The following UBE2E3 variants were observed in gnomAD, a reference collection of about 807,000 sequenced individuals.
UBE2E3 encodes the protein ubiquitin-conjugating enzyme E2 E3.
UBE2E3 carries 5 observed loss-of-function variants against 23.6 expected under a neutral mutation model. The ratio of observed to expected loss-of-function variants is 0.21; its 90% CI spans 0.11 to 0.44. UBE2E3 has a LOEUF of 0.44. Among genes scored for constraint, UBE2E3 ranks in the 20% least tolerant of loss-of-function variants. UBE2E3 has a pLI of 0.99. For missense variants in UBE2E3, 81 were observed against 249.8 expected (o/e 0.32, Z 4.55); for synonymous variants, 78 against 87.5 (o/e 0.89, Z 0.60).
At chr2:181,017,099 G>T (rs147152683) in intron 3 of UBE2E3, among the ~76,000 whole-genome samples, 20 of 152,334 alleles carry the variant, frequency 1.3e-4, no homozygotes, top group African/African-American at 4.3e-4. Flanking sequence ...ACAGAATTGG[G>T]CCAGGAATGC....
At chr2:181,062,723 G>T in intron 5 of UBE2E3, 68 bp from the exon 6 acceptor site, 1 of 792,986 alleles carries the variant, frequency 1.3e-6, no homozygotes, top group Non-Finnish European at 1.9e-6. Context: ...CATTTTAATA[G>T]AATATTAGAA....
At chr2:181,025,076 G>A (rs1398710100) in intron 3 of UBE2E3, among the ~76,000 whole-genome samples, 6 of 151,944 alleles carry the variant, frequency 3.9e-5, no homozygotes, top group African/African-American at 7.2e-5. Context: ...ATGGAGATAC[G>A]TTCTGGGACG....
intron 3 of UBE2E3, among the ~76,000 whole-genome samples, chr2:181,027,766 T>G (rs1472062148): frequency 6.6e-6 from 1 of 152,012 alleles, no homozygotes; most frequent in African/African-American, 2.4e-5. Context: ...TAAGCTTTCT[T>G]TGCTGTCACT....
At chr2:181,055,901 G>A (rs930407174) in intron 3 of UBE2E3, among the ~76,000 whole-genome samples, 1 of 151,614 alleles carries the variant, frequency 6.6e-6, no homozygotes, top group Non-Finnish European at 1.5e-5. Context: ...TCTCTTGTTT[G>A]TATTTTATAA....
At chr2:181,015,820 A>G (rs1685468836) in intron 3 of UBE2E3, among the ~76,000 whole-genome samples, 1 of 152,144 alleles carries the variant, frequency 6.6e-6, no homozygotes, top group Non-Finnish European at 1.5e-5. Flanking sequence ...CTTGTTCCAT[A>G]TACTAGAGAT....
intron 3 of UBE2E3, among the ~76,000 whole-genome samples, chr2:180,990,528 T>C (rs192795733): frequency 1.3e-5 from 2 of 152,356 alleles, no homozygotes; most frequent in Admixed American, 1.3e-4. Context: ...AGTTTACATA[T>C]GTCTTATATT....
intron 3 of UBE2E3, chr2:180,987,447 A>T: frequency 6.5e-7 from 1 of 1,530,864 alleles, no homozygotes; most frequent in Admixed American, 2.0e-5. Flanking sequence ...GAAGAAGCAC[A>T]AATATACTGA....
chr2:181,057,072 A>G (rs1687010323), intron 3 of UBE2E3, among the ~76,000 whole-genome samples: 1 of 151,808 alleles, frequency 6.6e-6, no homozygotes, highest in African/African-American at 2.4e-5. Flanking sequence ...TAATGTTATA[A>G]AAGTTAAAGA....
At chr2:180,980,511 C>G (rs1684230740), upstream of UBE2E3, 7 of 148,800 alleles carry the variant, frequency 4.7e-5, no homozygotes, top group South Asian at 1.5e-3. The surrounding 1 kb of genome is among the most constrained non-coding windows in gnomAD (Gnocchi z 5.5). Context: ...ACAGCTCGCG[C>G]CCGCCGGGCG....
At chr2:181,013,002 T>G (rs1444978440) in intron 3 of UBE2E3, among the ~76,000 whole-genome samples, 2 of 152,168 alleles carry the variant, frequency 1.3e-5, no homozygotes, top group African/African-American at 4.8e-5. Context: ...ATTAATTTTT[T>G]TATTTTTTAC....
intron 3 of UBE2E3, among the ~76,000 whole-genome samples, chr2:181,026,640 A>G (rs1201730968): frequency 6.6e-6 from 1 of 151,824 alleles, no homozygotes; most frequent in East Asian, 1.9e-4. Flanking sequence ...CACTAATGCC[A>G]TTAATTTAAA....
intron 3 of UBE2E3, among the ~76,000 whole-genome samples, chr2:180,992,389 A>T (rs1684687531): frequency 6.6e-6 from 1 of 152,214 alleles, no homozygotes; most frequent in Non-Finnish European, 1.5e-5. Context: ...TTTAAGTGCA[A>T]TTAGACTATA....
intron 3 of UBE2E3, among the ~76,000 whole-genome samples, chr2:181,026,177 G>A (rs566974746): frequency 6.6e-5 from 10 of 151,820 alleles, no homozygotes; most frequent in Non-Finnish European, 1.2e-4. Context: ...AAACCCTTTG[G>A]AGGATTAAGT....
chr2:181,032,317 C>T (rs902705005), intron 3 of UBE2E3, among the ~76,000 whole-genome samples: 18 of 152,090 alleles, frequency 1.2e-4, no homozygotes, highest in African/African-American at 3.9e-4. Context: ...AATTTTTAAT[C>T]GGTAATATTT....
At chr2:181,052,518 T>G (rs1686871774) in intron 3 of UBE2E3, among the ~76,000 whole-genome samples, 1 of 151,912 alleles carries the variant, frequency 6.6e-6, no homozygotes, top group African/African-American at 2.4e-5. Context: ...TTAAGGTATA[T>G]GCTCATTGCT....
At chr2:180,993,766 A>C (rs72883529) in intron 3 of UBE2E3, among the ~76,000 whole-genome samples, 33,084 of 152,076 alleles carry the variant, frequency 0.22, 4,185 homozygotes, top group Non-Finnish European at 0.28. Context: ...CCCGAAGAGA[A>C]TCGATCTCAG....
chr2:180,983,966 G>C (rs917777175), intron 2 of UBE2E3, 77 bp from the exon 3 acceptor site: 25 of 1,176,328 alleles, frequency 2.1e-5, no homozygotes, highest in Non-Finnish European at 2.6e-5. Flanking sequence ...CTGCATGGTG[G>C]TAGAGGGCAG....
intron 3 of UBE2E3, among the ~76,000 whole-genome samples, chr2:181,035,600 A>G (rs1229936851): frequency 6.6e-6 from 1 of 152,194 alleles, no homozygotes; most frequent in Admixed American, 6.5e-5. Context: ...TGTTCAACCC[A>G]TGACCCGTGG....
chr2:181,050,374 C>G (rs754979054), intron 3 of UBE2E3, among the ~76,000 whole-genome samples: 2 of 151,806 alleles, frequency 1.3e-5, no homozygotes, highest in Non-Finnish European at 2.9e-5. Flanking sequence ...GACTCTAAAA[C>G]TCATCTTGTC....
Sources: allele counts gnomAD v4.1 joint callset (sites outside exome capture counted in the v4.1 genomes callset), GRCh38; gene constraint gnomAD v4.1.1; non-coding constraint Gnocchi (gnomAD v3.1); transcripts MANE v1.5; gene names NCBI Gene and HGNC (gene_info 2026-07-23, HGNC 2026-07-21).